PANK2: variants seen among roughly 807,000 people sequenced by gnomAD.
The protein encoded by PANK2 is pantothenate kinase 2, also known as pantothenate kinase 2, mitochondrial.
A neutral mutation model predicts 43.1 loss-of-function variants in PANK2; 36 were observed. That is an observed-to-expected ratio of 0.84 (90% CI 0.64 to 1.10). The LOEUF is 1.10. PANK2 is among the 50% of genes least tolerant of loss of function. PANK2 has a pLI of 0.00. For missense variants in PANK2, 576 were observed against 593.3 expected, an observed-to-expected ratio of 0.97 and a Z score of 0.30; for synonymous variants, 281 against 238.2, an observed-to-expected ratio of 1.18 and a Z score of -1.66.
chr20:3,892,673 CAAAAAAAA>C lies in PANK2; in HGVS notation c.298+2956_298+2963del, dbSNP rs763721845. The stretch of plus-strand genomic sequence containing the variant: ...CCTGGGCGACAGAGCGACTCTGTCT[CAAAAAAAA>C]AAAAAAAAAAGCCTTACTCTGATAC... On this transcript the variant is annotated intron_variant, in intron 1 of 6. Coordinates refer to ENST00000610179, the MANE Select transcript of PANK2 (RefSeq NM_001386393.1). Among the ~76,000 whole-genome samples the C allele has an allele frequency of 2.9e-5, 3 of 104,378 alleles. No individual in the cohort carries two copies. In the Admixed American group the frequency reaches 3.3e-4, roughly 11 times the overall value. The allele number at this position is 104,378 out of a possible 152,430, so 68.5% of individuals were successfully genotyped here.
intron 6 of PANK2, chr20:3,921,563 T>C (rs536664002): frequency 1.1e-4 from 17 of 152,308 alleles, no homozygotes; most frequent in African/African-American, 3.6e-4. Context: ...TAAAACAAAC[T>C]GTATAGTGAA....
intron 6 of PANK2, among the ~76,000 whole-genome samples, chr20:3,919,867 G>A (rs528249435): frequency 2.2e-4 from 34 of 152,306 alleles, no homozygotes; most frequent in African/African-American, 7.9e-4. Context: ...AAGTGCTAGA[G>A]ATTACTTTTT....
intron 2 of PANK2, chr20:3,908,548 G>T: frequency 2.2e-6 from 1 of 446,970 alleles, no homozygotes; most frequent in Non-Finnish European, 4.1e-6. Flanking sequence ...CGTTGAGGAA[G>T]AAACTACCTA....
intron 6 of PANK2, among the ~76,000 whole-genome samples, chr20:3,919,473 G>GC (rs1252562953): frequency 6.6e-6 from 1 of 151,846 alleles, no homozygotes; most frequent in Non-Finnish European, 1.5e-5. Context: ...TAATTCTTGT[G>GC]CCAGTTATTT....
intron 3 of PANK2, among the ~76,000 whole-genome samples, chr20:3,912,192 A>C (rs2090478232): frequency 6.6e-6 from 1 of 152,066 alleles, no homozygotes; most frequent in African/African-American, 2.4e-5. Context: ...GCTAATTTGC[A>C]CCTGAGGCTC....
intron 1 of PANK2, among the ~76,000 whole-genome samples, chr20:3,897,554 G>A (rs2090230106): frequency 6.6e-6 from 1 of 151,966 alleles, no homozygotes; most frequent in African/African-American, 2.4e-5. Context: ...TTAGCTGGTT[G>A]TGGTGGCCTG....
In PANK2 at chr20:3,928,159, T is replaced by C. The variant is rs1331159707; in HGVS notation, c.*4865T>C. 6.6e-6 allele frequency: 1 copy of C among 152,130 alleles called. No individual in the cohort carries two copies. The highest frequency in any genetic ancestry group is 1.5e-5 in the Non-Finnish European group (1 of 68,010). 9.4% of individuals were successfully genotyped at this position (152,130 alleles called of 1,614,324 possible). A position where few individuals can be genotyped will look rare whatever the true frequency, so the allele number is the denominator to read the frequency against. On this transcript the variant is annotated 3_prime_UTR_variant, in exon 7 of 7. Transcript: ENST00000610179. ...ATGTCCATCTGCTTAAGAAATCTGC[T>C]TAAGAAATCTGTAACAGCTACAGGA... is the stretch of plus-strand genomic sequence containing the variant.
At chr20:3,917,535 A>G (rs372086073) in intron 5 of PANK2, 1 of 534,588 alleles carries the variant, frequency 1.9e-6, no homozygotes, top group Non-Finnish European at 3.8e-6. Flanking sequence ...TGTAGCATTC[A>G]GGTCAAGCAG....
rs1422271499 is a variant in PANK2 at position 3,928,865 on chromosome 20, T to C, written c.*5571T>C. 6.6e-6 allele frequency: 1 copy of C among 151,854 alleles called. No homozygotes were observed. The highest frequency in any genetic ancestry group is 1.5e-5 in the Non-Finnish European group (1 of 67,974). 9.4% of individuals were successfully genotyped at this position (151,854 alleles called of 1,614,324 possible). On this transcript the variant is annotated 3_prime_UTR_variant, in exon 7 of 7. Coordinates refer to ENST00000610179, the MANE Select transcript of PANK2 (RefSeq NM_001386393.1). ...AAGCATTTTCTTTTCTTGTGTGTTT[T>C]TTTGAGACGGAGTCTCGCTCTGTTG...
At chr20:3,909,866 A>G (rs2090441071) in intron 2 of PANK2, among the ~76,000 whole-genome samples, 1 of 152,118 alleles carries the variant, frequency 6.6e-6, no homozygotes, top group African/African-American at 2.4e-5. Flanking sequence ...TGCTGGGATT[A>G]TAGGCGTGAG....
At chr20:3,901,383 C>G (rs948232059) in intron 1 of PANK2, among the ~76,000 whole-genome samples, 8 of 150,890 alleles carry the variant, frequency 5.3e-5, no homozygotes, top group African/African-American at 1.9e-4. Flanking sequence ...CATTTCTTGT[C>G]AATCAGCTTT....
chr20:3,925,926 C>T lies in PANK2; in HGVS notation c.*2632C>T, dbSNP rs2146910545. 6.6e-6 allele frequency: 1 copy of T among 152,512 alleles called. No individual in the cohort carries two copies. The highest frequency in any genetic ancestry group is 2.1e-4 in the South Asian group (1 of 4,828). 9.4% of individuals were successfully genotyped at this position (152,512 alleles called of 1,614,324 possible). On this transcript the variant is annotated 3_prime_UTR_variant, in exon 7 of 7. Coordinates refer to ENST00000610179, the MANE Select transcript of PANK2 (RefSeq NM_001386393.1). ...CCCATAAACTCTGCTGTTACCATTG[C>T]CACTTCCCTGTCTTAGCAGCTGTCC... is the stretch of plus-strand genomic sequence containing the variant.
upstream of PANK2, chr20:3,888,976 G>A: frequency 5.4e-6 from 4 of 735,070 alleles, no homozygotes; most frequent in Admixed American, 6.1e-5. Context: ...CTGCTGGGCT[G>A]GAGGAGGGCT....
At position 3,924,288 on chromosome 20, in the gene PANK2, C is replaced by G. The variant is rs1372960361; in HGVS notation, c.*994C>G. 3.3e-5 allele frequency: 5 copies of G among 152,252 alleles called. No homozygotes were observed. The highest frequency in any genetic ancestry group is 1.2e-4 in the African/African-American group (5 of 41,440). 9.4% of individuals were successfully genotyped at this position (152,252 alleles called of 1,614,324 possible). A position where few individuals can be genotyped will look rare whatever the true frequency, so the allele number is the denominator to read the frequency against. On this transcript the variant is annotated 3_prime_UTR_variant, in exon 7 of 7. Coordinates refer to ENST00000610179, the MANE Select transcript of PANK2 (RefSeq NM_001386393.1). ...CAAGGAGAGAATGCACCTTTTATAT[C>G]TGAGGTCTTAAGTGGTGCCCATATT...
intron 6 of PANK2, 72 bp downstream of exon 6, chr20:3,918,868 A>AGGTAGAG: frequency 6.2e-7 from 1 of 1,610,056 alleles, no homozygotes; most frequent in Non-Finnish European, 8.5e-7. Context: ...ATGGAACTTG[A>AGGTAGAG]GGTAGAGGGT....
intron 1 of PANK2, among the ~76,000 whole-genome samples, chr20:3,891,768 C>T (rs2090126615): frequency 6.6e-6 from 1 of 152,164 alleles, no homozygotes; most frequent in South Asian, 2.1e-4. Flanking sequence ...AAAGACCACA[C>T]TCAGAAAAAC....
At chr20:3,919,878 C>T (rs958422244) in intron 6 of PANK2, among the ~76,000 whole-genome samples, 1 of 152,172 alleles carries the variant, frequency 6.6e-6, no homozygotes, top group Non-Finnish European at 1.5e-5. Context: ...ATTACTTTTT[C>T]CTTTAAAGTT....
intron 2 of PANK2, among the ~76,000 whole-genome samples, chr20:3,909,670 A>G (rs1389476339): frequency 6.6e-6 from 1 of 151,708 alleles, no homozygotes; most frequent in Non-Finnish European, 1.5e-5. Flanking sequence ...GCTCACTGCA[A>G]CCTCTGCCTC....
Position 3,928,587 on chromosome 20 carries a change from C to G in PANK2, c.*5293C>G, listed in dbSNP as rs1365755249. The G allele has an allele frequency of 9.2e-5, 14 of 151,842 alleles. No homozygotes were observed. The highest frequency in any genetic ancestry group is 9.2e-4 in the Admixed American group (14 of 15,236). The allele number at this position is 151,842 out of a possible 1,614,324, so 9.4% of individuals were successfully genotyped here. ...CCTGGCTAACACGGTGAAACTCCGT[C>G]TGTACTAAAAATACAAAAAATTAGC... On this transcript the variant is annotated 3_prime_UTR_variant, in exon 7 of 7. Transcript: ENST00000610179.
Sources: allele counts gnomAD v4.1 joint callset (sites outside exome capture counted in the v4.1 genomes callset), GRCh38; gene constraint gnomAD v4.1.1; transcripts MANE v1.5; gene names NCBI Gene and HGNC (gene_info 2026-07-23, HGNC 2026-07-21).